CGGBP1: variants seen among roughly 807,000 people sequenced by gnomAD.
CGGBP1 encodes CGG triplet repeat-binding protein 1.
In CGGBP1, 4 loss-of-function variants were observed where a neutral mutation model predicts 11.4. That is an observed-to-expected ratio of 0.35 (90% CI 0.17 to 0.80). CGGBP1 has a LOEUF of 0.80. Among genes scored for constraint, CGGBP1 ranks in the 30% least tolerant of loss-of-function variants. The probability of loss-of-function intolerance (pLI) is 0.52; values close to 1 mark genes in which losing one functional copy is unlikely to be tolerated. For missense variants in CGGBP1, 135 were observed against 202.1 expected, an observed-to-expected ratio of 0.67 and a Z score of 2.01; for synonymous variants, 76 against 74.1, an observed-to-expected ratio of 1.03 and a Z score of -0.13.
chr3:88,123,030 AAAAG>A (rs1705872996), intron 2 of CGGBP1, among the ~76,000 whole-genome samples: 1 of 151,684 alleles, frequency 6.6e-6, no homozygotes, highest in African/African-American at 2.4e-5. Context: ...AAAAAAAGTA[AAAAG>A]AAAAAAAGAA....
chr3:88,072,621 C>T (rs1229358459), intron 2 of CGGBP1, among the ~76,000 whole-genome samples: 3 of 152,120 alleles, frequency 2.0e-5, no homozygotes, highest in South Asian at 2.1e-4. Flanking sequence ...TAGAGGCCTT[C>T]CCTGAACACC....
At position 88,137,632 on chromosome 3, in the gene CGGBP1, C is replaced by T. The variant is rs530852443; in HGVS notation, c.-229+3338G>A. On this transcript the variant is annotated intron_variant, in intron 2 of 3. Coordinates refer to the CGGBP1 transcript ENST00000462901. ...TGGTGGAAAGAATGGGGAATTTTAA[C>T]TGTACCTCAGGGCAGAGACCAGGAT... Among the ~76,000 whole-genome samples, 5 of 152,174 alleles carry T rather than the reference C, an allele frequency of 3.3e-5. No homozygotes were observed. In the East Asian group the frequency reaches 9.6e-4, roughly 29 times the overall value.
At chr3:88,080,161 G>C (rs1576223342) in intron 2 of CGGBP1, among the ~76,000 whole-genome samples, 2 of 152,048 alleles carry the variant, frequency 1.3e-5, no homozygotes. Context: ...TTGTTTGTCA[G>C]ATGAGCATCG....
chr3:88,133,248 A>G (rs1432005627), intron 2 of CGGBP1, among the ~76,000 whole-genome samples: 1 of 152,162 alleles, frequency 6.6e-6, no homozygotes, highest in Non-Finnish European at 1.5e-5. Flanking sequence ...CTTTTCCTAG[A>G]AAAGCATGGC....
chr3:88,139,503 G>C (rs1706989064), intron 2 of CGGBP1: 1 of 1,613,482 alleles, frequency 6.2e-7, no homozygotes, highest in Admixed American at 1.7e-5. Flanking sequence ...GGATGATCAG[G>C]AAGTCACTGC....
At chr3:88,110,786 G>A (rs907620333) in intron 2 of CGGBP1, among the ~76,000 whole-genome samples, 4 of 152,192 alleles carry the variant, frequency 2.6e-5, no homozygotes, top group South Asian at 2.1e-4. Context: ...CTAATTCTAC[G>A]TGTATTTCAG....
At chr3:88,143,235 A>G (rs1160780326) in intron 1 of CGGBP1, 1 of 151,876 alleles carries the variant, frequency 6.6e-6, no homozygotes, top group South Asian at 2.1e-4. Flanking sequence ...ATTTTTTTTT[A>G]ATTTCCCGGT....
Position 88,055,682 on chromosome 3 carries a change from CTGTT to C in CGGBP1, c.291_294del (p.Thr98ArgfsTer10). On this transcript the variant is annotated frameshift_variant, in exon 4 of 4. Coordinates refer to ENST00000482016, the MANE Select transcript of CGGBP1 (RefSeq NM_001008390.2). LOFTEE classifies it high-confidence loss of function. This position sits in a 1 kb window ranked among gnomAD's most constrained non-coding sequence, Gnocchi z 4.2. ...AAGTCCTGGATAACACTGACTTTCT[CTGTT>C]TGCGCAGTACTGTTGCACTGAAGAG... 1 of 1,614,228 alleles carries C rather than the reference CTGTT, an allele frequency of 6.2e-7. No homozygotes were observed. The highest frequency in any genetic ancestry group is 8.5e-7 in the Non-Finnish European group (1 of 1,180,040).
intron 1 of CGGBP1, chr3:88,142,682 TATTAGGAGAGGTAATTCC>T (rs1297083675): frequency 1.3e-5 from 2 of 152,340 alleles, no homozygotes; most frequent in Non-Finnish European, 2.9e-5. Flanking sequence ...CATTTTATTC[TATTAGGAGAGGTAATTCC>T]AAAATAAGCC....
rs1409190618 is a variant in CGGBP1, at chr3:88,055,599, G to C, written c.378C>G (p.Val126=). Residue 126 remains valine, a synonymous_variant, in exon 4 of 4, where the codon GTC becomes GTG. Coordinates refer to ENST00000482016, the MANE Select transcript of CGGBP1 (RefSeq NM_001008390.2). This position sits in a 1 kb window ranked among gnomAD's most constrained non-coding sequence, Gnocchi z 4.2. ...IPLEKADHPA[V]RAFLSRHVKN... is the part of the protein sequence containing the mutation. ...TCACATGGCGAGATAGGAAAGCACG[G>C]ACTGCTGGGTGATCAGCCTTCTCAA... is the stretch of plus-strand genomic sequence containing the variant. 5 of 1,613,964 alleles carry C rather than the reference G, an allele frequency of 3.1e-6. No individual in the cohort carries two copies. Among genetic ancestry groups the C allele is most frequent in the Non-Finnish European group, 4.2e-6 (5 of 1,179,848 alleles).
chr3:88,068,752 A>G (rs544851610), intron 2 of CGGBP1, among the ~76,000 whole-genome samples: 3 of 152,138 alleles, frequency 2.0e-5, no homozygotes, highest in Non-Finnish European at 1.5e-5. Flanking sequence ...CCTACAAGCT[A>G]TGTGCCATTA....
intron 2 of CGGBP1, among the ~76,000 whole-genome samples, chr3:88,133,079 A>G (rs545644479): frequency 1.5e-4 from 23 of 152,154 alleles, no homozygotes; most frequent in Non-Finnish European, 2.9e-4. Flanking sequence ...AACATCAACA[A>G]ACCCCAAGCT....
intron 2 of CGGBP1, among the ~76,000 whole-genome samples, chr3:88,116,467 C>A (rs532013053): frequency 9.2e-5 from 14 of 151,856 alleles, no homozygotes; most frequent in African/African-American, 2.4e-4. Flanking sequence ...TTGCAGTGAG[C>A]CGAGATCACA....
At chr3:88,146,142 G>T (rs376156393) in intron 1 of CGGBP1, among the ~76,000 whole-genome samples, 4 of 152,302 alleles carry the variant, frequency 2.6e-5, no homozygotes, top group East Asian at 3.9e-4. Flanking sequence ...AGCAGAATCA[G>T]CATCACCTGG....
At chr3:88,144,720 ATATT>A (rs1181492824) in intron 1 of CGGBP1, 2 of 152,450 alleles carry the variant, frequency 1.3e-5, no homozygotes, top group Non-Finnish European at 2.9e-5. Context: ...TATAAGGTAT[ATATT>A]AAATGAAAAT....
intron 2 of CGGBP1, among the ~76,000 whole-genome samples, chr3:88,134,817 G>A (rs947491281): frequency 8.6e-5 from 13 of 151,932 alleles, no homozygotes; most frequent in African/African-American, 3.1e-4. Context: ...AGACATCTTA[G>A]GTATGCCAAC....
intron 2 of CGGBP1, chr3:88,057,689 T>A (rs1218818270): frequency 6.6e-6 from 1 of 152,254 alleles, no homozygotes; most frequent in Non-Finnish European, 1.5e-5. Flanking sequence ...GTCTTGTATC[T>A]TTAAATATTT....
At chr3:88,132,708 T>C (rs1424299748) in intron 2 of CGGBP1, among the ~76,000 whole-genome samples, 4 of 152,204 alleles carry the variant, frequency 2.6e-5, no homozygotes, top group Non-Finnish European at 4.4e-5. Context: ...TTAGGGGAAG[T>C]ATATGCCAGA....
intron 2 of CGGBP1, among the ~76,000 whole-genome samples, chr3:88,131,661 G>GT (rs1469465305): frequency 1.3e-5 from 2 of 152,222 alleles, no homozygotes; most frequent in African/African-American, 4.8e-5. Context: ...TAGAGGCTCA[G>GT]TGTCTCCAGC....
Sources: gnomAD v4.1 joint callset for allele counts (sites outside exome capture counted in the v4.1 genomes callset) on GRCh38, gnomAD v4.1.1 for gene constraint, Gnocchi (gnomAD v3.1) non-coding constraint, MANE v1.5 for transcripts, NCBI Gene and HGNC (gene_info 2026-07-23, HGNC 2026-07-21) for gene names.